ZBTB14: variants seen among roughly 807,000 people sequenced by gnomAD.
ZBTB14 encodes the protein zinc finger and BTB domain-containing protein 14.
Under a neutral mutation model 29.5 loss-of-function variants are expected in ZBTB14, and 8 were observed. The observed-to-expected ratio is 0.27, with a 90% CI of 0.16 to 0.49. The LOEUF (loss-of-function observed/expected upper bound fraction) is 0.49. Ranked by LOEUF, ZBTB14 falls within the 20% of genes least tolerant of loss-of-function variation. ZBTB14 has a pLI of 0.99. For missense variants in ZBTB14, 333 were observed against 563.8 expected (o/e 0.59, Z 4.15); for synonymous variants, 226 against 207.2 (o/e 1.09, Z -0.78).
intron 3 of ZBTB14, 121 bp downstream of exon 3, chr18:5,293,123 T>G (rs1217849145): frequency 1.8e-6 from 2 of 1,083,316 alleles, no homozygotes; most frequent in Non-Finnish European, 2.6e-6. Context: ...TTACTTTTAT[T>G]CGGCTAATAT....
rs2071777460 is a variant in ZBTB14, at chr18:5,290,095, CAAATCG to C, written c.*757_*762del. ...ATTCTTCTTACCACAGGTCCACTCA[CAAATCG>C]CAGCTGGTATGGACTGGTACTGCCC... On this transcript the variant is annotated 3_prime_UTR_variant, in exon 4 of 4. Transcript: ENST00000651870. The C allele has an allele frequency of 6.6e-6, 1 of 152,186 alleles. No individual in the cohort carries two copies. Among genetic ancestry groups the C allele is most frequent in the African/African-American group, 2.4e-5 (1 of 41,450 alleles). The allele number at this position is 152,186 out of a possible 1,614,324, so 9.4% of individuals were successfully genotyped here. A position where few individuals can be genotyped will look rare whatever the true frequency, so the allele number is the denominator to read the frequency against.
chr18:5,295,129 C>T (rs2071918912), intron 1 of ZBTB14, among the ~76,000 whole-genome samples: 1 of 148,570 alleles, frequency 6.7e-6, no homozygotes, highest in South Asian at 2.1e-4. Context: ...GACTGCGGCC[C>T]GCGGCGGCCC....
rs1598343464 is a variant in ZBTB14 at position 5,290,556 on chromosome 18, C to T, written c.*302G>A. 3.2e-6 allele frequency: 1 copy of T among 313,466 alleles called. No individual in the cohort carries two copies. Among genetic ancestry groups the T allele is most frequent in the Admixed American group, 4.6e-5 (1 of 21,610 alleles). 19.4% of individuals were successfully genotyped at this position (313,466 alleles called of 1,614,324 possible). On this transcript the variant is annotated 3_prime_UTR_variant, in exon 4 of 4. Transcript: ENST00000651870. ...AAAGGAACTAAAAATGGAAGTCTCT[C>T]ACTTCTAAACTGGACACAGGAGTTC...
chr18:5,296,537 C>T (rs1036626224), upstream of ZBTB14, among the ~76,000 whole-genome samples: 7 of 151,900 alleles, frequency 4.6e-5, no homozygotes, highest in Admixed American at 2.6e-4. Flanking sequence ...GAGCGGGCGC[C>T]CCGGCCACTT....
chr18:5,296,476 C>G (rs772914297), upstream of ZBTB14, among the ~76,000 whole-genome samples: 8 of 150,310 alleles, frequency 5.3e-5, no homozygotes, highest in Admixed American at 5.3e-4. Flanking sequence ...AGAGCCTCCC[C>G]CGGGCGCGCG....
Position 5,291,397 on chromosome 18 carries a change from C to T in ZBTB14, c.811G>A (p.Gly271Ser). ...CAGGCAATCTGCTCCCGATGGTGAC[C>T]ATAAAGCAAATACTCAAACTTCATG... is the stretch of plus-strand genomic sequence containing the variant. Reference protein sequence around the residue: ...SDMKFEYLLYGHHREQIACQA... With the variant: ...SDMKFEYLLYSHHREQIACQA... Residue 271 changes from glycine (G) to serine (S), a missense_variant, in exon 4 of 4, where the codon GGT (glycine) becomes AGT (serine). Transcript: ENST00000651870. This position sits in a 1 kb window ranked among gnomAD's most constrained non-coding sequence, Gnocchi z 5.8. 6.2e-7 allele frequency: 1 copy of T among 1,614,222 alleles called. No individual in the cohort carries two copies. Among genetic ancestry groups the T allele is most frequent in the Non-Finnish European group, 8.5e-7 (1 of 1,180,052 alleles).
upstream of ZBTB14, among the ~76,000 whole-genome samples, chr18:5,296,401 C>T (rs1382967109): frequency 6.7e-6 from 1 of 150,144 alleles, no homozygotes; most frequent in Non-Finnish European, 1.5e-5. Flanking sequence ...CGCCCGCGCC[C>T]GGCGCCGGCG....
upstream of ZBTB14, chr18:5,296,174 C>G (rs958177733): frequency 1.3e-5 from 2 of 151,284 alleles, no homozygotes; most frequent in African/African-American, 2.4e-5. Flanking sequence ...GGGCCCTTGC[C>G]GACGCTTTCG....
At chr18:5,293,136 TC>T (rs1567907835) in intron 3 of ZBTB14, 107 bp downstream of exon 3, 1 of 1,188,332 alleles carries the variant, frequency 8.4e-7, no homozygotes, top group Non-Finnish European at 1.2e-6. Context: ...GCTAATATTT[TC>T]CCCCAGACAA....
rs370080098 is a variant in ZBTB14 at position 5,291,626 on chromosome 18, C to T, written c.582G>A (p.Thr194=). The T allele has an allele frequency of 1.7e-5, 27 of 1,613,880 alleles. 1 individual carries two copies. In the Middle Eastern group the frequency reaches 1.3e-3, roughly 79 times the overall value. The change falls in exon 4 of 4, where the codon ACG becomes ACA. Residue 194 remains threonine, a synonymous_variant. Transcript: ENST00000651870. The surrounding 1 kb of genome is among the most constrained non-coding windows in gnomAD (Gnocchi z 5.8). ...SQEDGKSPTT[T]LRVQEAILKE... is the part of the protein sequence containing the mutation. ...TCAGGATCGCTTCCTGAACCCTGAGCGTTGTGGTGGGCGACTTGCCGTCCT... is the reference window on the plus strand; with the variant it reads ...TCAGGATCGCTTCCTGAACCCTGAGTGTTGTGGTGGGCGACTTGCCGTCCT...
intron 1 of ZBTB14, chr18:5,294,956 A>AAAG (rs2071911863): frequency 6.6e-6 from 1 of 151,854 alleles, no homozygotes; most frequent in Non-Finnish European, 1.5e-5. Context: ...CCTCCCTCTC[A>AAAG]ATTTCTTTGG....
chr18:5,292,052 A>G lies in ZBTB14; in HGVS notation c.156T>C (p.Cys52=). The part of the protein sequence containing the change: ...VEDVKFRAHR[C]VLAACSTYFK... The stretch of plus-strand genomic sequence containing the variant: ...AGTAAGTGCTGCAGGCAGCAAGAAC[A>G]CATCTGTGTGCTCTGAATTTCACAT... The change falls in exon 4 of 4, where the codon TGT becomes TGC. Residue 52 remains cysteine (C), a synonymous_variant. Coordinates refer to ENST00000651870, the MANE Select transcript of ZBTB14 (RefSeq NM_001243702.2). The G allele has an allele frequency of 6.2e-7, 1 of 1,612,724 alleles. No homozygotes were observed. Among genetic ancestry groups the G allele is most frequent in the Non-Finnish European group, 8.5e-7 (1 of 1,179,994 alleles).
chr18:5,295,728 C>CCGGGCCGCCCCGCCAGCCG (rs1331845270), upstream of ZBTB14: 4 of 151,264 alleles, frequency 2.6e-5, no homozygotes, highest in Non-Finnish European at 5.9e-5. Context: ...CGCGCGTCTT[C>CCGGGCCGCCCCGCCAGCCG]CGGGCCGCCC....
intron 2 of ZBTB14, 22 bp from the exon 3 acceptor site, chr18:5,293,349 A>G (rs189172675): frequency 3.4e-4 from 406 of 1,201,754 alleles, no homozygotes; most frequent in Middle Eastern, 7.8e-4. Context: ...AGGATAAACA[A>G]GAATGAGGTA....
At chr18:5,296,796 A>T (rs8094288), upstream of ZBTB14, among the ~76,000 whole-genome samples, 1 of 151,834 alleles carries the variant, frequency 6.6e-6, no homozygotes, top group African/African-American at 2.4e-5. Context: ...GGAAAAGTCC[A>T]GGGGCTGGAG....
In ZBTB14 at chr18:5,295,646, T is replaced by TCGCAC. The variant is rs1198429350; in HGVS notation, c.-112+1_-112+5dup. The TCGCAC allele has an allele frequency of 7.2e-6, 1 of 138,098 alleles. No homozygotes were observed. Among genetic ancestry groups the TCGCAC allele is most frequent in the Admixed American group, 7.1e-5 (1 of 14,142 alleles). 8.6% of individuals were successfully genotyped at this position (138,098 alleles called of 1,614,324 possible). ...AACCCTGGCCCACGCCCGTCCCCGC[T>TCGCAC]CGCACCGCGCCGCGCCGCTGGCGGC... On this transcript the variant is annotated splice_donor_region_variant and intron_variant, in intron 1 of 3. Transcript: ENST00000651870.
At chr18:5,294,678 G>T (rs2071901722) in intron 1 of ZBTB14, 1 of 152,312 alleles carries the variant, frequency 6.6e-6, no homozygotes, top group Admixed American at 6.5e-5. Context: ...TGTAGGAAAA[G>T]ACGTAGCCCC....
chr18:5,293,483 G>A (rs1166823109), intron 2 of ZBTB14, 156 bp from the exon 3 acceptor site: 1 of 539,962 alleles, frequency 1.9e-6, no homozygotes, highest in East Asian at 3.0e-5. Context: ...TACATCAAGT[G>A]CAGTTCTGAA....
At chr18:5,294,189 C>G (rs1161786232) in intron 1 of ZBTB14, among the ~76,000 whole-genome samples, 188 bp from the exon 2 acceptor site, 2 of 152,176 alleles carry the variant, frequency 1.3e-5, no homozygotes, top group East Asian at 3.9e-4. Context: ...ACCGAGCTAC[C>G]CAGCGTAGAA....
Sources: allele counts gnomAD v4.1 joint callset (sites outside exome capture counted in the v4.1 genomes callset), GRCh38; gene constraint gnomAD v4.1.1; non-coding constraint Gnocchi (gnomAD v3.1); transcripts MANE v1.5; gene names NCBI Gene and HGNC (gene_info 2026-07-23, HGNC 2026-07-21).